PLXNA4: variants seen among roughly 807,000 people sequenced by gnomAD.
PLXNA4 encodes plexin A4.
A neutral mutation model predicts 191.8 loss-of-function variants in PLXNA4; 44 were observed. The ratio of observed to expected loss-of-function variants is 0.23; its 90% CI spans 0.18 to 0.29. PLXNA4 has a LOEUF of 0.29. Ranked by LOEUF, PLXNA4 falls within the 10% of genes least tolerant of loss-of-function variation. The pLI is 1.00. For missense variants in PLXNA4, 1,800 were observed against 2,488.8 expected (o/e 0.72, Z 5.89); for synonymous variants, 1,082 against 1,009.5 (o/e 1.07, Z -1.36).
intron 3 of PLXNA4, among the ~76,000 whole-genome samples, chr7:132,321,701 G>A (rs1802173202): frequency 2.0e-5 from 3 of 152,198 alleles, no homozygotes; most frequent in Non-Finnish European, 4.4e-5. Context: ...TTAGAGTCTG[G>A]TGAACATTCA....
In PLXNA4 at chr7:132,613,355, T is replaced by TC. The variant is rs559310250; in HGVS notation, c.-87+32572dup. Among the ~76,000 whole-genome samples, 293 of 151,820 alleles carry TC rather than the reference T, an allele frequency of 1.9e-3. 2 individuals carry two copies. The highest frequency in any genetic ancestry group is 6.9e-3 in the African/African-American group (285 of 41,366). On this transcript the variant is annotated intron_variant, in intron 2 of 4. Coordinates refer to the PLXNA4 transcript ENST00000378539. ...ACCATGAATCTGAATAAAGCCACCC[T>TC]CCCCCCCGACATCTCCTCTGAATCC...
chr7:132,135,343 A>G (rs532828358), intron 30 of PLXNA4, among the ~76,000 whole-genome samples: 1 of 152,348 alleles, frequency 6.6e-6, no homozygotes, highest in South Asian at 2.1e-4. Flanking sequence ...TGACCAGGTG[A>G]AAAACCCAGG....
At chr7:132,139,186 A>C (rs1047901109) in intron 30 of PLXNA4, among the ~76,000 whole-genome samples, 1 of 152,250 alleles carries the variant, frequency 6.6e-6, no homozygotes, top group Non-Finnish European at 1.5e-5. Context: ...CACCACCTGC[A>C]TCAGTAGGAA....
At chr7:132,393,642 G>A (rs553309415) in intron 3 of PLXNA4, among the ~76,000 whole-genome samples, 3 of 152,270 alleles carry the variant, frequency 2.0e-5, no homozygotes, top group East Asian at 1.9e-4. Context: ...ACATAGTCCC[G>A]GCTCTCTAGA....
chr7:132,252,352 C>T (rs1799284914), intron 4 of PLXNA4, among the ~76,000 whole-genome samples: 1 of 122,850 alleles, frequency 8.1e-6, no homozygotes, highest in Non-Finnish European at 1.6e-5. Context: ...CACTCTGTTG[C>T]CCAGGCTGGA....
chr7:132,494,065 C>G (rs1299210531), intron 2 of PLXNA4, among the ~76,000 whole-genome samples: 1 of 152,122 alleles, frequency 6.6e-6, no homozygotes, highest in African/African-American at 2.4e-5. Context: ...AGTGTTCACT[C>G]TTGTTGTTTG....
At chr7:132,179,578 C>A (rs1218463754) in intron 20 of PLXNA4, 109 bp downstream of exon 20, 1 of 1,473,482 alleles carries the variant, frequency 6.8e-7, no homozygotes, top group Non-Finnish European at 9.1e-7. Flanking sequence ...TGCTGCCCAG[C>A]CTGCTTGTTT....
chr7:132,413,602 G>A (rs1794548319), intron 3 of PLXNA4, among the ~76,000 whole-genome samples: 2 of 152,170 alleles, frequency 1.3e-5, no homozygotes, highest in Admixed American at 6.5e-5. Context: ...GCAATTCAAT[G>A]GTGCCTTACA....
intron 3 of PLXNA4, among the ~76,000 whole-genome samples, chr7:132,368,390 C>T (rs1804282345): frequency 2.0e-5 from 3 of 152,174 alleles, no homozygotes; most frequent in Non-Finnish European, 4.4e-5. Flanking sequence ...CCACACAGAT[C>T]CTGGCTCCCT....
chr7:132,331,243 T>C (rs1400824331), intron 3 of PLXNA4, among the ~76,000 whole-genome samples: 2 of 152,264 alleles, frequency 1.3e-5, no homozygotes, highest in Admixed American at 6.5e-5. Context: ...AGGAGGAAGA[T>C]GGATATGGGA....
chr7:132,384,939 G>A (rs887946386), intron 3 of PLXNA4: 1 of 1,308,834 alleles, frequency 7.6e-7, no homozygotes, highest in East Asian at 3.5e-5. Context: ...AGTCAAACAT[G>A]CCTACACTCC....
At chr7:132,614,476 T>C (rs1803112962) in intron 2 of PLXNA4, among the ~76,000 whole-genome samples, 2 of 152,178 alleles carry the variant, frequency 1.3e-5, no homozygotes, top group South Asian at 4.1e-4. Context: ...AACAAGCGTA[T>C]TTAATATTGT....
intron 5 of PLXNA4, among the ~76,000 whole-genome samples, chr7:132,231,851 G>A (rs1326855286): frequency 1.3e-5 from 2 of 152,206 alleles, no homozygotes. Context: ...GGAGAAAAGA[G>A]CGAAAGAATG....
intron 1 of PLXNA4, among the ~76,000 whole-genome samples, chr7:132,570,345 G>T (rs1050330809): frequency 6.6e-6 from 1 of 152,086 alleles, no homozygotes. Flanking sequence ...ACATCCTGAC[G>T]TCTGCTACTG....
intron 12 of PLXNA4, among the ~76,000 whole-genome samples, chr7:132,198,837 T>C (rs1161385352): frequency 1.3e-5 from 2 of 152,188 alleles, no homozygotes; most frequent in African/African-American, 4.8e-5. Context: ...TGTGTGTCAC[T>C]AGGAGCAGTA....
intron 3 of PLXNA4, among the ~76,000 whole-genome samples, chr7:132,363,952 G>A (rs748814862): frequency 6.6e-5 from 10 of 152,262 alleles, no homozygotes; most frequent in Non-Finnish European, 1.2e-4. Context: ...GCTGTGGCTG[G>A]CAGGCTGTCT....
chr7:132,638,911 C>T (rs148337008), intron 2 of PLXNA4, among the ~76,000 whole-genome samples: 5 of 152,302 alleles, frequency 3.3e-5, no homozygotes, highest in East Asian at 1.9e-4. Context: ...GAGCCCCAGC[C>T]TGCTTAATCA....
intron 3 of PLXNA4, among the ~76,000 whole-genome samples, chr7:132,465,109 C>A (rs1465453820): frequency 6.6e-6 from 1 of 152,152 alleles, no homozygotes; most frequent in Non-Finnish European, 1.5e-5. Flanking sequence ...CCACTTGCAT[C>A]CCCCACTCCC....
chr7:132,560,114 T>C (rs527820706), intron 1 of PLXNA4, among the ~76,000 whole-genome samples: 1 of 152,180 alleles, frequency 6.6e-6, no homozygotes, highest in South Asian at 2.1e-4. Context: ...CAACAGGACA[T>C]TATTCCTAAT....
Sources: allele counts gnomAD v4.1 joint callset (sites outside exome capture counted in the v4.1 genomes callset), GRCh38; gene constraint gnomAD v4.1.1; transcripts MANE v1.5; gene names NCBI Gene and HGNC (gene_info 2026-07-23, HGNC 2026-07-21).